TRPM3: variants seen among roughly 807,000 people sequenced by gnomAD.
The protein encoded by TRPM3 is long transient receptor potential channel 3.
Under a neutral mutation model 181.2 loss-of-function variants are expected in TRPM3, and 77 were observed. The ratio of observed to expected loss-of-function variants is 0.42; its 90% CI spans 0.35 to 0.51. The LOEUF (loss-of-function observed/expected upper bound fraction) is 0.51, where lower values mean the gene tolerates loss of function less well. Among genes scored for constraint, TRPM3 ranks in the 20% least tolerant of loss-of-function variants. The pLI is 0.01. For synonymous variants in TRPM3, 745 were observed against 796.4 expected, an observed-to-expected ratio of 0.94 and a Z score of 1.09; for missense variants, 1,759 against 2,196.7, an observed-to-expected ratio of 0.80 and a Z score of 3.98.
chr9:70,560,326 A>T (rs1353635461), intron 22 of TRPM3, among the ~76,000 whole-genome samples: 5 of 152,200 alleles, frequency 3.3e-5, no homozygotes, highest in African/African-American at 1.2e-4. Context: ...CAAATAAAGC[A>T]GAAATGGGCA....
intron 1 of TRPM3, among the ~76,000 whole-genome samples, chr9:71,128,183 A>G (rs1409760456): frequency 6.6e-6 from 1 of 152,198 alleles, no homozygotes; most frequent in Non-Finnish European, 1.5e-5. Context: ...CCTTACTTTT[A>G]AAATAGATAG....
chr9:70,636,365 A>G (rs1213146238), intron 11 of TRPM3, among the ~76,000 whole-genome samples: 1 of 152,130 alleles, frequency 6.6e-6, no homozygotes, highest in Non-Finnish European at 1.5e-5. Flanking sequence ...GTTTGCTGTA[A>G]CTTGATTTAA....
At chr9:70,570,931 A>G (rs1331775019) in intron 22 of TRPM3, among the ~76,000 whole-genome samples, 1 of 151,862 alleles carries the variant, frequency 6.6e-6, no homozygotes, top group African/African-American at 2.4e-5. Context: ...CTTTTATTCC[A>G]TTGTCTTTCA....
chr9:70,907,862 A>G (rs1246828774), intron 1 of TRPM3, among the ~76,000 whole-genome samples: 2 of 152,184 alleles, frequency 1.3e-5, no homozygotes, highest in Non-Finnish European at 2.9e-5. Context: ...AGCTGCATCT[A>G]CGCTGCTGCA....
At position 70,529,063 on chromosome 9, in the gene TRPM3, T is replaced by G. The variant is rs2040503256; in HGVS notation, c.*6890A>C. ...TAAGTGCACAAAGAAGTCCAAGTCA[T>G]GTTTTAAACTACTGAGTTTTTTTTT... On this transcript the variant is annotated 3_prime_UTR_variant, in exon 26 of 26. Transcript: ENST00000677713. The G allele has an allele frequency of 6.6e-6, 1 of 152,074 alleles. No individual in the cohort carries two copies. Among genetic ancestry groups the G allele is most frequent in the Non-Finnish European group, 1.5e-5 (1 of 68,020 alleles). The allele number at this position is 152,074 out of a possible 1,614,324, so 9.4% of individuals were successfully genotyped here.
intron 25 of TRPM3, among the ~76,000 whole-genome samples, chr9:70,539,288 T>C (rs1387958042): frequency 6.6e-6 from 1 of 152,058 alleles, no homozygotes; most frequent in East Asian, 1.9e-4. Context: ...TGTGGATCTC[T>C]GGGAGACCTA....
chr9:71,187,692 T>C (rs1156267117), intron 1 of TRPM3, among the ~76,000 whole-genome samples: 1 of 151,990 alleles, frequency 6.6e-6, no homozygotes, highest in Non-Finnish European at 1.5e-5. Flanking sequence ...AGAAGATTAC[T>C]AAACAAAATC....
intron 9 of TRPM3, among the ~76,000 whole-genome samples, chr9:70,655,864 A>G (rs980173815): frequency 6.6e-6 from 1 of 152,172 alleles, no homozygotes. Context: ...CTAAGGTAGG[A>G]AAAAAAGCTC....
chr9:70,787,349 C>A (rs920912565), intron 6 of TRPM3, among the ~76,000 whole-genome samples: 4 of 151,998 alleles, frequency 2.6e-5, no homozygotes, highest in Admixed American at 2.0e-4. Flanking sequence ...TCTATGCTTC[C>A]AAATTCTCTC....
intron 8 of TRPM3, among the ~76,000 whole-genome samples, chr9:70,685,750 T>C (rs373106439): frequency 3.5e-4 from 54 of 152,304 alleles, no homozygotes; most frequent in African/African-American, 1.1e-3. Flanking sequence ...TTTATCATTA[T>C]CCATTCATTT....
At chr9:70,796,811 T>G (rs2087171100) in intron 6 of TRPM3, among the ~76,000 whole-genome samples, 1 of 152,178 alleles carries the variant, frequency 6.6e-6, no homozygotes, top group African/African-American at 2.4e-5. Flanking sequence ...ATGTCGTAGT[T>G]GCTCTCTGAC....
At chr9:70,981,474 A>G (rs371486386) in intron 1 of TRPM3, among the ~76,000 whole-genome samples, 1 of 152,208 alleles carries the variant, frequency 6.6e-6, no homozygotes, top group African/African-American at 2.4e-5. Context: ...GAAAGGAGAC[A>G]TTTGCAGAAT....
intron 20 of TRPM3, among the ~76,000 whole-genome samples, chr9:70,602,124 T>A (rs986524951): frequency 1.3e-5 from 2 of 150,456 alleles, no homozygotes; most frequent in African/African-American, 2.5e-5. Context: ...TTTTTTTTTT[T>A]AAATCCAGGC....
intron 1 of TRPM3, among the ~76,000 whole-genome samples, chr9:71,433,725 C>T (rs2093991028): frequency 6.6e-6 from 1 of 152,210 alleles, no homozygotes; most frequent in African/African-American, 2.4e-5. Flanking sequence ...ATGCTATAGG[C>T]AAATTGGCTT....
Position 70,552,972 on chromosome 9 carries a change from G to A in TRPM3, c.3446C>T (p.Thr1149Ile). 1 of 1,614,158 alleles carries A rather than the reference G, an allele frequency of 6.2e-7. No individual in the cohort carries two copies. Among genetic ancestry groups the A allele is most frequent in the Non-Finnish European group, 8.5e-7 (1 of 1,180,026 alleles). Residue 1149 changes from threonine to isoleucine, a missense_variant, in exon 24 of 26, where the codon ACT becomes ATT. This residue lies in a region of TRPM3 where 94 missense variants were observed against 221.3 expected (regional missense o/e 0.42). Transcript: ENST00000677713. ...WKFQRYQLIM[T>I]FHERPVLPPP... Reference sequence around the variant, plus strand: ...GGGCAGAACTGGCCTTTCATGGAAAGTCATGATGAGCTGATACCTCTGAAA... The same window carrying A: ...GGGCAGAACTGGCCTTTCATGGAAAATCATGATGAGCTGATACCTCTGAAA...
intron 5 of TRPM3, among the ~76,000 whole-genome samples, chr9:70,834,794 C>T (rs548552572): frequency 6.6e-5 from 10 of 152,320 alleles, no homozygotes; most frequent in African/African-American, 2.4e-4. Flanking sequence ...CCTCAAGAGA[C>T]AGCCCAGGCC....
rs2041774899 is a variant in TRPM3, at chr9:70,536,452, G to A, written c.4661C>T (p.Ala1554Val). The stretch of plus-strand genomic sequence containing the variant: ...ACAGTCTGTAATACTTGTGTATTCT[G>A]CTGTTTTTACAGGCACCCCAAAGTT... Reference protein sequence around the residue: ...YANFGVPVKTAEYTSITDCID... With the variant: ...YANFGVPVKTVEYTSITDCID... The change falls in exon 26 of 26, where the codon GCA becomes GTA. Residue 1554 changes from alanine (A) to valine (V), a missense_variant. Coordinates refer to ENST00000677713, the MANE Select transcript of TRPM3 (RefSeq NM_001366145.2). 6.2e-7 allele frequency: 1 copy of A among 1,614,038 alleles called. No individual in the cohort carries two copies.
chr9:71,256,522 AG>A (rs1242819110), intron 1 of TRPM3, among the ~76,000 whole-genome samples: 8 of 151,630 alleles, frequency 5.3e-5, no homozygotes, highest in Non-Finnish European at 7.4e-5. Context: ...GGGAGTATGG[AG>A]GGGAAAAAAA....
At chr9:71,095,758 C>CAAAAAAAAAAAAAAAAAAAAAA (rs34934062) in intron 1 of TRPM3, among the ~76,000 whole-genome samples, 5 of 85,292 alleles carry the variant, frequency 5.9e-5, no homozygotes, top group African/African-American at 1.3e-4. Flanking sequence ...GACTCTGTGT[C>CAAAAAAAAAAAAAAAAAAAAAA]AAAAAAAAAA....
Sources: allele counts gnomAD v4.1 joint callset (sites outside exome capture counted in the v4.1 genomes callset), GRCh38; gene constraint gnomAD v4.1.1; regional missense constraint gnomAD v4.1.1; transcripts MANE v1.5; gene names NCBI Gene and HGNC (gene_info 2026-07-23, HGNC 2026-07-21).